Variants in AHDC1 observed in about 807,000 individuals in gnomAD.
The protein encoded by AHDC1 is AT-hook DNA binding motif containing 1.
AHDC1 carries 7 observed loss-of-function variants against 87.9 expected under a neutral mutation model. That is an observed-to-expected ratio of 0.08 (90% CI 0.05 to 0.15). AHDC1 has a LOEUF of 0.15. Among genes scored for constraint, AHDC1 ranks in the 10% least tolerant of loss-of-function variants. The pLI is 1.00. For synonymous variants in AHDC1, 1,051 were observed against 1,006.8 expected (o/e 1.04, Z -0.83); for missense variants, 1,841 against 2,253.2 (o/e 0.82, Z 3.70).
intron 3 of AHDC1, among the ~76,000 whole-genome samples, chr1:27,581,969 A>T (rs891313459): frequency 2.6e-5 from 4 of 151,928 alleles, no homozygotes; most frequent in Non-Finnish European, 5.9e-5. Context: ...GCTCAATCAC[A>T]CAGTGTCTCA....
chr1:27,576,101 G>A (rs2088736225), intron 3 of AHDC1, among the ~76,000 whole-genome samples: 1 of 152,102 alleles, frequency 6.6e-6, no homozygotes, highest in African/African-American at 2.4e-5. Context: ...CCCTCCTGCA[G>A]AGAGCACTGG....
At chr1:27,586,175 C>T (rs560051020) in intron 3 of AHDC1, among the ~76,000 whole-genome samples, 1 of 152,316 alleles carries the variant, frequency 6.6e-6, no homozygotes, top group African/African-American at 2.4e-5. Context: ...CATCCTATGA[C>T]ATCAAAATAC....
Position 27,593,880 on chromosome 1 carries a change from G to C in AHDC1, c.-629+9517C>G, listed in dbSNP as rs1005549176. The stretch of plus-strand genomic sequence containing the variant: ...TGGGCTGGGACACAGGCGATGTCTT[G>C]GGGACCCTTCCCACAGCACTGCAGT... On this transcript the variant is annotated intron_variant, in intron 3 of 8. Coordinates refer to ENST00000673934, the MANE Select transcript of AHDC1 (RefSeq NM_001371928.1). The surrounding 1 kb of genome is among the most constrained non-coding windows in gnomAD (Gnocchi z 4.9). Among the ~76,000 whole-genome samples the C allele has an allele frequency of 6.6e-6, 1 of 152,226 alleles. No individual in the cohort carries two copies. Among genetic ancestry groups the C allele is most frequent in the Non-Finnish European group, 1.5e-5 (1 of 68,038 alleles).
At chr1:27,589,236 C>T (rs781304567) in intron 3 of AHDC1, among the ~76,000 whole-genome samples, 8 of 152,132 alleles carry the variant, frequency 5.3e-5, no homozygotes, top group Admixed American at 2.0e-4. Context: ...CCCAGATGTG[C>T]GTGTGCCTCT....
intron 3 of AHDC1, among the ~76,000 whole-genome samples, chr1:27,578,736 G>A (rs2088826860): frequency 1.3e-5 from 2 of 148,800 alleles, no homozygotes; most frequent in Admixed American, 1.3e-4. Context: ...TTACACTGTC[G>A]CACAGGCTGG....
intron 3 of AHDC1, among the ~76,000 whole-genome samples, chr1:27,570,608 C>G (rs1225549395): frequency 1.3e-5 from 2 of 152,014 alleles, no homozygotes; most frequent in Non-Finnish European, 2.9e-5. Flanking sequence ...ACCAACAAGT[C>G]CCTGAGCTGC....
At chr1:27,588,947 A>G (rs1342725001) in intron 3 of AHDC1, among the ~76,000 whole-genome samples, 1 of 151,976 alleles carries the variant, frequency 6.6e-6, no homozygotes, top group Non-Finnish European at 1.5e-5. Context: ...AGGGTGAGTG[A>G]GTGAGAAACT....
chr1:27,593,978 G>A lies in AHDC1; in HGVS notation c.-629+9419C>T, dbSNP rs1433806172. ...CTTCCCTCAGCAAGAGAGGAGGCAC[G>A]AGGGACCTCTAGGAAAGAGAAGGGA... On this transcript the variant is annotated intron_variant, in intron 3 of 8. Coordinates refer to ENST00000673934, the MANE Select transcript of AHDC1 (RefSeq NM_001371928.1). This position sits in a 1 kb window ranked among gnomAD's most constrained non-coding sequence, Gnocchi z 4.9. Among the ~76,000 whole-genome samples, 1 of 152,124 alleles carries A rather than the reference G, an allele frequency of 6.6e-6. No homozygotes were observed. The highest frequency in any genetic ancestry group is 2.4e-5 in the African/African-American group (1 of 41,412).
chr1:27,578,092 G>A (rs2088808167), intron 3 of AHDC1, among the ~76,000 whole-genome samples: 1 of 152,164 alleles, frequency 6.6e-6, no homozygotes, highest in Non-Finnish European at 1.5e-5. Flanking sequence ...AGAAAAGCCT[G>A]TTTCTAAATC....
chr1:27,564,288 G>C (rs377497855), intron 3 of AHDC1, among the ~76,000 whole-genome samples: 2 of 152,312 alleles, frequency 1.3e-5, no homozygotes, highest in South Asian at 4.1e-4. Context: ...GCTTCGGGGA[G>C]GGGGGAAGGG....
intron 3 of AHDC1, among the ~76,000 whole-genome samples, chr1:27,568,704 CGGCGCGGGTGCCCGGGAGGG>C (rs1463752808): frequency 6.6e-6 from 1 of 151,856 alleles, no homozygotes; most frequent in East Asian, 1.9e-4. Flanking sequence ...CCCCCGGCCG[CGGCGCGGGTGCCCGGGAGGG>C]GGCGCTCCGC....
intron 3 of AHDC1, among the ~76,000 whole-genome samples, chr1:27,574,019 A>G (rs1399204817): frequency 3.9e-5 from 6 of 152,214 alleles, no homozygotes; most frequent in Admixed American, 3.9e-4. Flanking sequence ...GAGTTGACAC[A>G]GGCCCAGGCC....
chr1:27,544,675 C>T (rs185838525), intron 8 of AHDC1, among the ~76,000 whole-genome samples: 2 of 152,306 alleles, frequency 1.3e-5, no homozygotes, highest in East Asian at 1.9e-4. Flanking sequence ...TTCTCATTCC[C>T]GTGGTGATTT....
Position 27,590,568 on chromosome 1 carries a change from T to A in AHDC1, c.-629+12829A>T, listed in dbSNP as rs1470646482. On this transcript the variant is annotated intron_variant, in intron 3 of 8. Transcript: ENST00000673934. This position sits in a 1 kb window ranked among gnomAD's most constrained non-coding sequence, Gnocchi z 5.4. ...CCGAGGGCTCTCAAGGTGAGTGTTT[T>A]GCTTCTCTCAGACTTGGGGGGTCTG... Among the ~76,000 whole-genome samples the A allele has an allele frequency of 6.6e-6, 1 of 152,088 alleles. No individual in the cohort carries two copies. The highest frequency in any genetic ancestry group is 1.5e-5 in the Non-Finnish European group (1 of 67,980).
In AHDC1 at chr1:27,550,331, T is replaced by G. The variant is rs762584507; in HGVS notation, c.1785A>C (p.Ala595=). Residue 595 remains alanine, a synonymous_variant, in exon 8 of 9, where the codon GCA becomes GCC. Transcript: ENST00000673934. ...CTGCTGCATAGGATGGCTGGGGAGATGCCAGCTTCTGCTTCCGCCGCCGTC... is the reference window on the plus strand; with the variant it reads ...CTGCTGCATAGGATGGCTGGGGAGAGGCCAGCTTCTGCTTCCGCCGCCGTC... ...KKRRRRKQKL[A]SPQPSYAADA... The G allele has an allele frequency of 6.2e-7, 1 of 1,614,074 alleles. No individual in the cohort carries two copies. Among genetic ancestry groups the G allele is most frequent in the Non-Finnish European group, 8.5e-7 (1 of 1,179,990 alleles).
chr1:27,535,053 G>C (rs1446634029), intron 8 of AHDC1, 137 bp from the exon 9 acceptor site: 2 of 152,206 alleles, frequency 1.3e-5, no homozygotes, highest in Non-Finnish European at 1.5e-5. Context: ...GCTAACCACT[G>C]TTCTTTCTCA....
intron 3 of AHDC1, among the ~76,000 whole-genome samples, chr1:27,600,902 C>T (rs2089512702): frequency 6.6e-6 from 1 of 152,160 alleles, no homozygotes. Context: ...CCCCAAAGGC[C>T]CCATCAAGGG....
At position 27,598,575 on chromosome 1, in the gene AHDC1, C is replaced by T. The variant is rs1279276933; in HGVS notation, c.-629+4822G>A. ...TTCCAGGCAGTCCCTGGGGACCCCT[C>T]CTGCTCTGGTCCCAGTTCCAGGCAT... is the stretch of plus-strand genomic sequence containing the variant. On this transcript the variant is annotated intron_variant, in intron 3 of 8. Transcript: ENST00000673934. The surrounding 1 kb of genome is among the most constrained non-coding windows in gnomAD (Gnocchi z 4.2). Among the ~76,000 whole-genome samples, 1 of 152,178 alleles carries T rather than the reference C, an allele frequency of 6.6e-6. No individual in the cohort carries two copies. The highest frequency in any genetic ancestry group is 1.5e-5 in the Non-Finnish European group (1 of 68,002).
chr1:27,594,957 G>C (rs1290304728), intron 3 of AHDC1, among the ~76,000 whole-genome samples: 5 of 151,994 alleles, frequency 3.3e-5, no homozygotes, highest in Non-Finnish European at 7.4e-5. Context: ...TGGGCCCTTA[G>C]GTGGCTGAGG....
Sources: gnomAD v4.1 joint callset for allele counts (sites outside exome capture counted in the v4.1 genomes callset) on GRCh38, gnomAD v4.1.1 for gene constraint, Gnocchi (gnomAD v3.1) non-coding constraint, MANE v1.5 for transcripts, NCBI Gene and HGNC (gene_info 2026-07-23, HGNC 2026-07-21) for gene names.